Variants in SURF4 observed in about 807,000 individuals in gnomAD.
SURF4 encodes surfeit locus protein 4.
In SURF4, 3 loss-of-function variants were observed where a neutral mutation model predicts 30.0. The ratio of observed to expected loss-of-function variants is 0.10; its 90% CI spans 0.05 to 0.26. The LOEUF (loss-of-function observed/expected upper bound fraction) is 0.26. Among genes scored for constraint, SURF4 ranks in the 10% least tolerant of loss-of-function variants. The pLI, the probability that SURF4 is intolerant of heterozygous loss-of-function variation, is 1.00. For synonymous variants in SURF4, 143 were observed against 139.9 expected (o/e 1.02, Z -0.16); for missense variants, 217 against 350.8 (o/e 0.62, Z 3.05).
Position 133,363,196 on chromosome 9 carries a change from T to C in SURF4, c.*297A>G, listed in dbSNP as rs1836930848. The C allele has an allele frequency of 1.7e-6, 1 of 603,224 alleles. No homozygotes were observed. The highest frequency in any genetic ancestry group is 2.9e-5 in the Admixed American group (1 of 34,042). 37.4% of individuals were successfully genotyped at this position (603,224 alleles called of 1,614,324 possible). Reference sequence around the variant, plus strand: ...GTACCCCCACAAAAAAACTCAAAAATAGGACTGAGATGCCACAGCCAAGCG... The same window carrying C: ...GTACCCCCACAAAAAAACTCAAAAACAGGACTGAGATGCCACAGCCAAGCG... On this transcript the variant is annotated 3_prime_UTR_variant, in exon 6 of 6. Transcript: ENST00000371989. This position sits in a 1 kb window ranked among gnomAD's most constrained non-coding sequence, Gnocchi z 4.3.
intron 1 of SURF4, among the ~76,000 whole-genome samples, chr9:133,374,150 G>C (rs149990964): frequency 6.6e-6 from 1 of 152,090 alleles, no homozygotes; most frequent in Non-Finnish European, 1.5e-5. Flanking sequence ...AGGGAGCTGC[G>C]ACTTGGAGAA....
In SURF4 at chr9:133,367,293, C is replaced by G; in HGVS notation, c.201G>C (p.Ser67=). 2 of 1,614,208 alleles carry G rather than the reference C, an allele frequency of 1.2e-6. No individual in the cohort carries two copies. The highest frequency in any genetic ancestry group is 1.7e-6 in the Non-Finnish European group (2 of 1,180,040). The part of the protein sequence containing the change: ...TTWNCGYLLA[S]SFVFLNLLGQ... ...CCAGCAAGTTGAGGAAGACGAAGGACGAGGCCAGCAGGTAGCCGCAGTTCC... is the reference window on the plus strand; with the variant it reads ...CCAGCAAGTTGAGGAAGACGAAGGAGGAGGCCAGCAGGTAGCCGCAGTTCC... Residue 67 remains serine, a synonymous_variant, in exon 2 of 6, where the codon TCG becomes TCC. Coordinates refer to ENST00000371989, the MANE Select transcript of SURF4 (RefSeq NM_033161.4).
chr9:133,375,134 T>C (rs1033736030), intron 1 of SURF4: 6 of 790,416 alleles, frequency 7.6e-6, no homozygotes, highest in Non-Finnish European at 7.7e-6. Context: ...GGGAGTTGTG[T>C]CCCTTCACTT....
intron 1 of SURF4, chr9:133,375,515 G>A (rs1837842481): frequency 1.4e-6 from 1 of 721,276 alleles, no homozygotes; most frequent in Non-Finnish European, 1.7e-6. Context: ...GCCTCCGGGA[G>A]CCCCAGTGAG....
At position 133,366,592 on chromosome 9, in the gene SURF4, C is replaced by T. The variant is rs1237247446; in HGVS notation, c.312+7G>A. 1.1e-5 allele frequency: 17 copies of T among 1,613,644 alleles called. No individual in the cohort carries two copies. The highest frequency in any genetic ancestry group is 2.2e-5 in the East Asian group (1 of 44,874). On this transcript the variant is annotated splice_region_variant and intron_variant, in intron 3 of 5. Transcript: ENST00000371989. ...AGAAGGGAGCCCCGACCACGCGGCC[C>T]GTGTACCTGCAGAGCTATGATTCCA...
At chr9:133,368,710 A>G (rs1837327579) in intron 1 of SURF4, among the ~76,000 whole-genome samples, 1 of 152,230 alleles carries the variant, frequency 6.6e-6, no homozygotes, top group Non-Finnish European at 1.5e-5. Context: ...GGTAGCCAAC[A>G]TGCACTATCG....
At chr9:133,376,460 G>C (rs2130248081), upstream of SURF4, 7 of 1,570,986 alleles carry the variant, frequency 4.5e-6, no homozygotes, top group East Asian at 1.4e-4. Context: ...GCCCGTACGC[G>C]GTCGCTACTG....
In SURF4 at chr9:133,363,354, A is replaced by T. The variant is rs1394763023; in HGVS notation, c.*139T>A. 7.3e-7 allele frequency: 1 copy of T among 1,374,882 alleles called. No homozygotes were observed. Among genetic ancestry groups the T allele is most frequent in the Non-Finnish European group, 1.0e-6 (1 of 982,506 alleles). 85.2% of individuals were successfully genotyped at this position (1,374,882 alleles called of 1,614,324 possible). A position where few individuals can be genotyped will look rare whatever the true frequency, so the allele number is the denominator to read the frequency against. The stretch of plus-strand genomic sequence containing the variant: ...GATTCTCAGGTGTCTCTGCAAATAA[A>T]GTTCTCAAAACATCTGTGCCTTTAC... On this transcript the variant is annotated 3_prime_UTR_variant, in exon 6 of 6. Coordinates refer to ENST00000371989, the MANE Select transcript of SURF4 (RefSeq NM_033161.4). This position sits in a 1 kb window ranked among gnomAD's most constrained non-coding sequence, Gnocchi z 4.3.
intron 1 of SURF4, among the ~76,000 whole-genome samples, chr9:133,368,721 G>A (rs1414167894): frequency 6.6e-6 from 1 of 152,208 alleles, no homozygotes; most frequent in Non-Finnish European, 1.5e-5. Flanking sequence ...TGCACTATCG[G>A]ATGCCAGGTA....
intron 1 of SURF4, among the ~76,000 whole-genome samples, chr9:133,370,411 T>G (rs1837435385): frequency 6.6e-6 from 1 of 152,230 alleles, no homozygotes; most frequent in African/African-American, 2.4e-5. Context: ...AAGGCAAGCC[T>G]GGTCCACACT....
chr9:133,366,745 G>T, intron 2 of SURF4, 70 bp from the exon 3 acceptor site: 1 of 1,443,776 alleles, frequency 6.9e-7, no homozygotes, highest in Non-Finnish European at 9.6e-7. Context: ...TTGATACACT[G>T]CTACCTCACC....
chr9:133,369,746 G>A (rs2130172716), intron 1 of SURF4, among the ~76,000 whole-genome samples: 8,545 of 152,288 alleles, frequency 0.056, 332 homozygotes, highest in Non-Finnish European at 0.087. Context: ...GCACACCACC[G>A]TGGCACACGA....
chr9:133,369,132 T>G (rs2130166704), intron 1 of SURF4, among the ~76,000 whole-genome samples: 7 of 152,196 alleles, frequency 4.6e-5, no homozygotes, highest in African/African-American at 1.7e-4. Flanking sequence ...CACTGCAGAT[T>G]GGCTCCCATG....
upstream of SURF4, chr9:133,376,332 G>A: frequency 1.5e-6 from 2 of 1,366,886 alleles, no homozygotes; most frequent in African/African-American, 1.5e-5. Context: ...GCGGGGACCT[G>A]GGGGTCTGGG....
At position 133,365,103 on chromosome 9, in the gene SURF4, C is replaced by A. The variant is rs985467330; in HGVS notation, c.357-77G>T. On this transcript the variant is annotated intron_variant, in intron 4 of 5. Transcript: ENST00000371989. The stretch of plus-strand genomic sequence containing the variant: ...GTCTGTGAGACCAGGTGCAGGGAGA[C>A]CTTGCTGCCAGTATAAGAAGGCCCT... The A allele has an allele frequency of 1.3e-5, 17 of 1,351,250 alleles. No homozygotes were observed. The African/African-American group carries it at 2.5e-4, about 20-fold the overall frequency. The allele number at this position is 1,351,250 out of a possible 1,614,324, so 83.7% of individuals were successfully genotyped here. A position where few individuals can be genotyped will look rare whatever the true frequency, so the allele number is the denominator to read the frequency against.
intron 5 of SURF4, 42 bp downstream of exon 5, chr9:133,364,798 T>G: frequency 6.2e-7 from 1 of 1,607,922 alleles, no homozygotes; most frequent in Non-Finnish European, 8.5e-7. Flanking sequence ...GGGACAGCAT[T>G]CACAGGAAAC....
At chr9:133,377,617 A>G (rs947879787), upstream of SURF4, among the ~76,000 whole-genome samples, 3 of 152,098 alleles carry the variant, frequency 2.0e-5, no homozygotes, top group African/African-American at 2.4e-5. Context: ...GAGCCAAGAT[A>G]GCGCCATTGG....
chr9:133,375,316 C>T (rs996748712), intron 1 of SURF4: 2 of 985,298 alleles, frequency 2.0e-6, no homozygotes, highest in African/African-American at 3.5e-5. Flanking sequence ...CCCACTCAAT[C>T]CAGCCCAGGG....
At chr9:133,376,473 C>A (rs2130248289), upstream of SURF4, 2 of 1,585,720 alleles carry the variant, frequency 1.3e-6, no homozygotes, top group South Asian at 2.3e-5. Flanking sequence ...CGCTACTGAT[C>A]ATGCTTGGGC....
Sources: allele counts gnomAD v4.1 joint callset (sites outside exome capture counted in the v4.1 genomes callset), GRCh38; gene constraint gnomAD v4.1.1; non-coding constraint Gnocchi (gnomAD v3.1); transcripts MANE v1.5; gene names NCBI Gene and HGNC (gene_info 2026-07-23, HGNC 2026-07-21).